CD101: variants seen among roughly 807,000 people sequenced by gnomAD.
The protein encoded by CD101 is CD101 molecule, also known as immunoglobulin superfamily member 2.
CD101 carries 76 observed loss-of-function variants against 98.2 expected under a neutral mutation model. The ratio of observed to expected loss-of-function variants is 0.77; its 90% confidence interval spans 0.64 to 0.94. CD101 has a LOEUF of 0.94. CD101 is among the 40% of genes least tolerant of loss of function. The pLI, the probability that CD101 is intolerant of heterozygous loss-of-function variation, is 0.00. For missense variants in CD101, 1,145 were observed against 1,218.8 expected (o/e 0.94, Z 0.90); for synonymous variants, 471 against 472.7 (o/e 1.00, Z 0.05).
chr1:117,008,640 C>T (rs1478632949), intron 1 of CD101, among the ~76,000 whole-genome samples: 3 of 152,154 alleles, frequency 2.0e-5, no homozygotes, highest in African/African-American at 7.2e-5. Context: ...CCTCCTATCC[C>T]TTAGAATTAT....
rs371863251 is a variant in CD101, at chr1:117,017,363, C to T, written c.1502C>T (p.Thr501Ile). 2.5e-6 allele frequency: 4 copies of T among 1,614,258 alleles called. No individual in the cohort carries two copies. Among genetic ancestry groups the T allele is most frequent in the Admixed American group, 3.3e-5 (2 of 60,032 alleles). Residue 501 changes from threonine to isoleucine, a missense_variant, in exon 5 of 10, where the codon ACT (threonine) becomes ATT (isoleucine). Coordinates refer to ENST00000682167, the MANE Select transcript of CD101 (RefSeq NM_001256106.3). ...ACCTTCCAGCTGGAGATCACCTTCA[C>T]TGCCATCACAGACAGTGGCACATAT... The part of the protein sequence containing the change: ...WATFQLEITF[T>I]AITDSGTYEC...
At chr1:117,029,897 C>T (rs956126059) in intron 8 of CD101, among the ~76,000 whole-genome samples, 9 of 152,138 alleles carry the variant, frequency 5.9e-5, no homozygotes, top group Admixed American at 1.3e-4. Context: ...TATCTTATTT[C>T]CTTATCAGTG....
At position 117,011,959 on chromosome 1, in the gene CD101, G is replaced by C. The variant is rs1401544040; in HGVS notation, c.834G>C (p.Gln278His). 12 of 1,610,110 alleles carry C rather than the reference G, an allele frequency of 7.5e-6. No homozygotes were observed. In the Admixed American group the frequency reaches 2.0e-4, roughly 27 times the overall value. The change falls in exon 3 of 10, where the codon CAG becomes CAC. Residue 278 changes from glutamine to histidine, a missense_variant. Transcript: ENST00000682167. Reference protein sequence around the residue: ...KQTDQTTLRIQPAVKDFQVNI... With the variant: ...KQTDQTTLRIHPAVKDFQVNI... ...CCGATCAAACCACTCTGAGGATCCA[G>C]CCAGCAGGTAATTATCTTCCTACGA...
chr1:117,025,838 C>T lies in CD101; in HGVS notation c.2758C>T (p.Pro920Ser), dbSNP rs781030120. 7 of 1,613,862 alleles carry T rather than the reference C, an allele frequency of 4.3e-6. No individual in the cohort carries two copies. Among genetic ancestry groups the T allele is most frequent in the Non-Finnish European group, 1.7e-6 (2 of 1,179,972 alleles). ...RVAEWQLHGH[P>S]SKWINQASDE... The stretch of plus-strand genomic sequence containing the variant: ...GGCAGAGTGGCAGCTCCATGGACAC[C>T]CAAGCAAGTGGATTAATCAAGCATC... Residue 920 changes from proline to serine, a missense_variant, in exon 8 of 10, where the codon CCA becomes TCA. Transcript: ENST00000682167.
chr1:117,027,634 T>A (rs1198067350), intron 8 of CD101, among the ~76,000 whole-genome samples: 1 of 151,964 alleles, frequency 6.6e-6, no homozygotes, highest in Admixed American at 6.5e-5. Flanking sequence ...ATGAGACCAG[T>A]GAGGAGGGAA....
chr1:117,009,994 C>A lies in CD101; in HGVS notation c.188C>A (p.Pro63Gln). The change falls in exon 2 of 10, where the codon CCG becomes CAG. Residue 63 changes from proline to glutamine, a missense_variant. By Grantham distance (76) the Pro-to-Gln change is moderately conservative (BLOSUM62 -1). Transcript: ENST00000682167. Reference sequence around the variant, plus strand: ...CATTTCCAGTGGTCTGTTTACCTGCCGACAAACCCGACCCAGGAAGTCCAG... The same window carrying A: ...CATTTCCAGTGGTCTGTTTACCTGCAGACAAACCCGACCCAGGAAGTCCAG... ...EQHFQWSVYL[P>Q]TNPTQEVQII... is the part of the protein sequence containing the mutation. 6.2e-7 allele frequency: 1 copy of A among 1,614,150 alleles called. No individual in the cohort carries two copies. Among genetic ancestry groups the A allele is most frequent in the East Asian group, 2.2e-5 (1 of 44,880 alleles).
intron 1 of CD101, among the ~76,000 whole-genome samples, chr1:117,008,933 T>A (rs951720137): frequency 6.6e-6 from 1 of 152,214 alleles, no homozygotes; most frequent in African/African-American, 2.4e-5. Context: ...CTGACCACTC[T>A]TGTGGCATGT....
At chr1:117,029,519 C>T (rs1384956961) in intron 8 of CD101, among the ~76,000 whole-genome samples, 1 of 152,212 alleles carries the variant, frequency 6.6e-6, no homozygotes, top group African/African-American at 2.4e-5. Flanking sequence ...TTCTTTTAGC[C>T]CCCACACCTG....
Position 117,013,639 on chromosome 1 carries a change from G to T in CD101, c.1075G>T (p.Ala359Ser), listed in dbSNP as rs757375727. The T allele has an allele frequency of 2.5e-6, 4 of 1,614,120 alleles. No homozygotes were observed. The highest frequency in any genetic ancestry group is 2.2e-5 in the South Asian group (2 of 91,076). The change falls in exon 4 of 10, where the codon GCT becomes TCT. Residue 359 changes from alanine to serine, a missense_variant. Ala to Ser is a moderately conservative substitution (Grantham distance 99). Transcript: ENST00000682167. ...CCAGGTTTCAAAGTTAGGCCCCAAGGCTTTCTCTCTCAAGATCTTCTCTCT... is the reference window on the plus strand; with the variant it reads ...CCAGGTTTCAAAGTTAGGCCCCAAGTCTTTCTCTCTCAAGATCTTCTCTCT... ...ELQVSKLGPK[A>S]FSLKIFSLGP...
At chr1:117,011,261 T>C (rs1266839288) in intron 2 of CD101, among the ~76,000 whole-genome samples, 2 of 152,202 alleles carry the variant, frequency 1.3e-5, no homozygotes, top group Admixed American at 6.5e-5. Context: ...TCCCTTTAAA[T>C]ACATGCTTTG....
chr1:117,003,198 C>T (rs1652342129), intron 1 of CD101, among the ~76,000 whole-genome samples: 1 of 152,142 alleles, frequency 6.6e-6, no homozygotes, highest in African/African-American at 2.4e-5. Flanking sequence ...GGAGCCAGTG[C>T]AGGGACCCGA....
In CD101 at chr1:117,004,839, G is replaced by T. The variant is rs182091867; in HGVS notation, c.43+2979G>T. ...AGTAGTATGTCTTAGACTGTTTGGCGTGTTGTAGCAAAAGTACCATAAACT... is the reference window on the plus strand; with the variant it reads ...AGTAGTATGTCTTAGACTGTTTGGCTTGTTGTAGCAAAAGTACCATAAACT... On this transcript the variant is annotated intron_variant, in intron 1 of 9. Coordinates refer to ENST00000682167, the MANE Select transcript of CD101 (RefSeq NM_001256106.3). This position sits in a 1 kb window ranked among gnomAD's most constrained non-coding sequence, Gnocchi z 4.1. Among the ~76,000 whole-genome samples, 1 of 146,674 alleles carries T rather than the reference G, an allele frequency of 6.8e-6. No individual in the cohort carries two copies. Among genetic ancestry groups the T allele is most frequent in the African/African-American group, 2.5e-5 (1 of 39,904 alleles).
intron 1 of CD101, among the ~76,000 whole-genome samples, chr1:117,009,467 C>T (rs968064666): frequency 6.6e-6 from 1 of 152,218 alleles, no homozygotes; most frequent in African/African-American, 2.4e-5. Context: ...TGGCAGGCAC[C>T]CTGGAATTTG....
At position 117,033,790 on chromosome 1, in the gene CD101, G is replaced by C; in HGVS notation, c.2825-70G>C. 1.9e-6 allele frequency: 3 copies of C among 1,594,622 alleles called. No individual in the cohort carries two copies. Among genetic ancestry groups the C allele is most frequent in the Non-Finnish European group, 1.7e-6 (2 of 1,167,786 alleles). On this transcript the variant is annotated intron_variant, in intron 8 of 9. Transcript: ENST00000682167. The surrounding 1 kb of genome is among the most constrained non-coding windows in gnomAD (Gnocchi z 4.8). ...ACTTGCCTATAACAATAAATCCCAG[G>C]AGTGTTTGTAATTGACTAGTACAAA...
chr1:117,009,785 C>T (rs923136200), intron 1 of CD101, 65 bp from the exon 2 acceptor site: 11 of 1,485,424 alleles, frequency 7.4e-6, no homozygotes, highest in Middle Eastern at 2.5e-4. Flanking sequence ...AAATACATAA[C>T]GTGGTACACT....
chr1:117,007,142 T>C (rs1652582366), intron 1 of CD101, among the ~76,000 whole-genome samples: 1 of 152,156 alleles, frequency 6.6e-6, no homozygotes, highest in South Asian at 2.1e-4. Context: ...TATTATTTGT[T>C]TAAAATAATT....
Position 117,025,536 on chromosome 1 carries a change from A to G in CD101, c.2456A>G (p.Tyr819Cys), listed in dbSNP as rs151146616. 2.2e-5 allele frequency: 35 copies of G among 1,594,790 alleles called. No homozygotes were observed. The highest frequency in any genetic ancestry group is 2.9e-5 in the Non-Finnish European group (34 of 1,170,432). The stretch of plus-strand genomic sequence containing the variant: ...AGTAAGGTACGTGTCTCCAAAGTGT[A>G]CTGGACCGAAAATGTGACTGAGCAC... ...TGSKVRVSKV[Y>C]WTENVTEHRE... The change falls in exon 8 of 10, where the codon TAC becomes TGC. Residue 819 changes from tyrosine to cysteine, a missense_variant. Transcript: ENST00000682167.
intron 8 of CD101, chr1:117,026,172 A>G: frequency 2.8e-6 from 1 of 354,664 alleles, no homozygotes; most frequent in Non-Finnish European, 5.1e-6. Context: ...GTTCAGGGAG[A>G]AGGTGGGAGG....
intron 8 of CD101, among the ~76,000 whole-genome samples, chr1:117,029,200 AAAGAAAAGAAAGAAAAG>A (rs1557778857): frequency 2.6e-4 from 9 of 35,222 alleles, no homozygotes; most frequent in East Asian, 1.4e-3. Flanking sequence ...AGAAAGAAAG[AAAGAAAAGAAAGAAAAG>A]AAAGAAAGAA....
Sources: gnomAD v4.1 joint callset for allele counts (sites outside exome capture counted in the v4.1 genomes callset) on GRCh38, gnomAD v4.1.1 for gene constraint, Gnocchi (gnomAD v3.1) non-coding constraint, MANE v1.5 for transcripts, NCBI Gene and HGNC (gene_info 2026-07-23, HGNC 2026-07-21) for gene names.